The following KLF17 variants were observed in gnomAD, a reference collection of about 807,000 sequenced individuals.
KLF17 encodes Krueppel-like factor 17.
KLF17 carries 31 observed loss-of-function variants against 34.2 expected under a neutral mutation model. The observed-to-expected ratio is 0.91, with a 90% CI of 0.68 to 1.22. KLF17 has a LOEUF of 1.22. KLF17 is among the 50% of genes most tolerant of loss of function. KLF17 has a pLI of 0.00. For synonymous variants in KLF17, 179 were observed against 186.7 expected (o/e 0.96, Z 0.34); for missense variants, 478 against 505.2 (o/e 0.95, Z 0.52).
At position 44,129,549 on chromosome 1, in the gene KLF17, T is replaced by C. The variant is rs200013903; in HGVS notation, c.278T>C (p.Leu93Pro). Residue 93 changes from leucine to proline, a missense_variant, in exon 2 of 4, where the codon CTG becomes CCG. Physicochemically the swap from Leu to Pro is moderately conservative, Grantham distance 98 (BLOSUM62 -3). Coordinates refer to ENST00000372299, the MANE Select transcript of KLF17 (RefSeq NM_173484.4). ...GGGGGGCCACAGTTCAGTATGCCAC[T>C]GCCTGAGCGTGGTATGAGCTACTGC... ...NEGGPQFSMP[L>P]PERGMSYCPQ... The C allele has an allele frequency of 3.9e-4, 633 of 1,613,634 alleles. 1 individual carries two copies. Among genetic ancestry groups the C allele is most frequent in the Non-Finnish European group, 5.2e-4 (608 of 1,179,864 alleles).
At chr1:44,081,416 A>G in the KLF17 span, among the ~76,000 whole-genome samples, 1 of 148,352 alleles carries the variant, frequency 6.7e-6, no homozygotes, top group Admixed American at 6.7e-5. Flanking sequence ...TCCCCATGGT[A>G]GTTTTTTTTT....
rs2087911857 is a variant in KLF17, at chr1:44,118,911, T to C, written c.4T>C (p.Tyr2His). The C allele has an allele frequency of 1.9e-6, 3 of 1,611,424 alleles. No homozygotes were observed. Among genetic ancestry groups the C allele is most frequent in the African/African-American group, 1.3e-5 (1 of 74,844 alleles). Residue 2 changes from tyrosine to histidine, a missense_variant, in exon 1 of 4, where the codon TAC becomes CAC. Physicochemically the swap from Tyr to His is moderately conservative, Grantham distance 83 (BLOSUM62 2). Transcript: ENST00000372299. ...GTCTAGACCCCACCCAGTCTTCATGTACGGCCGACCGCAGGCTGAGATGGA... is the reference window on the plus strand; with the variant it reads ...GTCTAGACCCCACCCAGTCTTCATGCACGGCCGACCGCAGGCTGAGATGGA... M[Y>H]GRPQAEMEQE...
intron 3 of KLF17, among the ~76,000 whole-genome samples, chr1:44,131,090 C>T (rs1274864949): frequency 3.9e-5 from 6 of 152,188 alleles, no homozygotes; most frequent in East Asian, 1.9e-4. Flanking sequence ...CCACCGCAGC[C>T]GGCCTCATTC....
the KLF17 span, among the ~76,000 whole-genome samples, chr1:44,087,721 A>ATT: frequency 1.2e-3 from 90 of 76,176 alleles, no homozygotes; most frequent in Non-Finnish European, 1.9e-3. Flanking sequence ...CTTCCTATAT[A>ATT]TTTTATATAT....
chr1:44,090,485 T>C, the KLF17 span, among the ~76,000 whole-genome samples: 1 of 152,124 alleles, frequency 6.6e-6, no homozygotes, highest in Non-Finnish European at 1.5e-5. Flanking sequence ...TGAGATGGCT[T>C]TCACAGTTCT....
the KLF17 span, among the ~76,000 whole-genome samples, chr1:44,092,563 C>T: frequency 1.3e-5 from 2 of 151,910 alleles, no homozygotes; most frequent in Non-Finnish European, 2.9e-5. Context: ...AATGCTGTAA[C>T]ACAACACACC....
intron 1 of KLF17, among the ~76,000 whole-genome samples, chr1:44,125,537 G>C (rs1174989662): frequency 2.0e-5 from 3 of 152,068 alleles, no homozygotes; most frequent in Admixed American, 6.6e-5. Context: ...GTGCGATCTT[G>C]GCTCACTGCA....
chr1:44,107,808 C>G, the KLF17 span, among the ~76,000 whole-genome samples: 3 of 152,096 alleles, frequency 2.0e-5, no homozygotes, highest in African/African-American at 7.2e-5. Flanking sequence ...TTTATTATTA[C>G]TGTTAAACTC....
upstream of KLF17, chr1:44,114,445 A>T (rs974956131): frequency 3.3e-5 from 5 of 152,270 alleles, no homozygotes; most frequent in African/African-American, 1.2e-4. Context: ...GGGGCATGGA[A>T]ATGGGACGTC....
chr1:44,084,679 C>CA, the KLF17 span, among the ~76,000 whole-genome samples: 72 of 129,106 alleles, frequency 5.6e-4, no homozygotes, highest in Middle Eastern at 3.8e-3. Context: ...GATCTTGTCT[C>CA]AAAAAAAAAA....
chr1:44,085,080 CTATATATATATA>C, the KLF17 span, among the ~76,000 whole-genome samples: 1 of 149,374 alleles, frequency 6.7e-6, no homozygotes, highest in Non-Finnish European at 1.5e-5. Context: ...TGAGTGCCTA[CTATATATATATA>C]TGTATATATA....
the KLF17 span, among the ~76,000 whole-genome samples, chr1:44,079,926 CTT>C: frequency 6.9e-6 from 1 of 144,678 alleles, no homozygotes; most frequent in East Asian, 2.0e-4. Context: ...CCCTCCATGT[CTT>C]TTTTTTTTTT....
chr1:44,121,414 C>T (rs368637474), intron 1 of KLF17, among the ~76,000 whole-genome samples: 4 of 152,178 alleles, frequency 2.6e-5, no homozygotes, highest in Non-Finnish European at 2.9e-5. Context: ...CACGCCCAGC[C>T]GATAATTCCT....
At chr1:44,130,439 G>T in intron 2 of KLF17, 73 bp from the exon 3 acceptor site, 1 of 1,582,080 alleles carries the variant, frequency 6.3e-7, no homozygotes, top group Non-Finnish European at 8.7e-7. Context: ...AACCTGGACT[G>T]CTCTGCCTCA....
the KLF17 span, among the ~76,000 whole-genome samples, chr1:44,059,894 A>T: frequency 3.7e-4 from 56 of 152,208 alleles, no homozygotes; most frequent in African/African-American, 1.2e-3. Context: ...ATCAGAACAT[A>T]CAAGGGAAAA....
At chr1:44,049,835 A>G in the KLF17 span, among the ~76,000 whole-genome samples, 4 of 152,206 alleles carry the variant, frequency 2.6e-5, no homozygotes, top group Non-Finnish European at 2.9e-5. Context: ...GTATAGTAGC[A>G]TGTTCATTTC....
chr1:44,129,956 T>G lies in KLF17; in HGVS notation c.685T>G (p.Ser229Ala). Residue 229 changes from serine to alanine, a missense_variant, in exon 2 of 4, where the codon TCA becomes GCA. Physicochemically the swap from Ser to Ala is moderately conservative, Grantham distance 99. Coordinates refer to ENST00000372299, the MANE Select transcript of KLF17 (RefSeq NM_173484.4). ...TGGGATGCCCCCAGCTGAGTCCCAG[T>G]CATTGCTGGTTTTAGGATCTCAGGA... is the stretch of plus-strand genomic sequence containing the variant. ...DLGMPPAESQ[S>A]LLVLGSQDSL... The G allele has an allele frequency of 1.2e-6, 2 of 1,614,148 alleles. No individual in the cohort carries two copies. The highest frequency in any genetic ancestry group is 1.7e-6 in the Non-Finnish European group (2 of 1,180,036).
the KLF17 span, among the ~76,000 whole-genome samples, chr1:44,056,029 G>A: frequency 1.3e-5 from 2 of 152,124 alleles, no homozygotes; most frequent in Non-Finnish European, 2.9e-5. Context: ...CAGACTCTCA[G>A]TACATTTTTG....
At chr1:44,081,182 C>T in the KLF17 span, among the ~76,000 whole-genome samples, 8 of 144,780 alleles carry the variant, frequency 5.5e-5, no homozygotes, top group South Asian at 8.9e-4. Context: ...GCCAAGATAG[C>T]GCCATTGCAC....
Sources: allele counts gnomAD v4.1 joint callset (sites outside exome capture counted in the v4.1 genomes callset), GRCh38; gene constraint gnomAD v4.1.1; transcripts MANE v1.5; gene names NCBI Gene and HGNC (gene_info 2026-07-23, HGNC 2026-07-21).